The following SLC44A2 variants were observed in gnomAD, a reference collection of about 807,000 sequenced individuals.
The protein encoded by SLC44A2 is choline transporter-like protein 2.
SLC44A2 carries 57 observed loss-of-function variants against 90.8 expected under a neutral mutation model. That is an observed-to-expected ratio of 0.63 (90% CI 0.51 to 0.78). The LOEUF (loss-of-function observed/expected upper bound fraction) is 0.78. SLC44A2 is among the 30% of genes least tolerant of loss of function. The pLI, the probability that SLC44A2 is intolerant of heterozygous loss-of-function variation, is 0.00. For synonymous variants in SLC44A2, 355 were observed against 360.7 expected (o/e 0.98, Z 0.18); for missense variants, 794 against 919.7 (o/e 0.86, Z 1.77).
At chr19:10,618,743 T>C (rs1193652969) in intron 1 of SLC44A2, among the ~76,000 whole-genome samples, 1 of 151,864 alleles carries the variant, frequency 6.6e-6, no homozygotes, top group Admixed American at 6.6e-5. Flanking sequence ...CCTAATTTTT[T>C]TGTGTATTTT....
chr19:10,627,073 C>T (rs1361084541), intron 2 of SLC44A2, among the ~76,000 whole-genome samples: 1 of 152,012 alleles, frequency 6.6e-6, no homozygotes, highest in Non-Finnish European at 1.5e-5. Context: ...ATAATCCCAG[C>T]ACTTTGGGAG....
Position 10,605,515 on chromosome 19 carries a change from G to GAAAT in SLC44A2, c.31+2973_31+2976dup, listed in dbSNP as rs377003052. Reference sequence around the variant, plus strand: ...GGCAAAAAGAGTGAAATTCAGTCTCGAAATAAATAAATAAATAAATAATAA... The same window carrying GAAAT: ...GGCAAAAAGAGTGAAATTCAGTCTCGAAATAAATAAATAAATAAATAAATAATAA... On this transcript the variant is annotated intron_variant, in intron 1 of 21. Coordinates refer to the SLC44A2 transcript ENST00000407327. Among the ~76,000 whole-genome samples, 141 of 150,722 alleles carry GAAAT rather than the reference G, an allele frequency of 9.4e-4. 1 individual carries two copies. Among genetic ancestry groups the GAAAT allele is most frequent in the Middle Eastern group, 6.8e-3 (2 of 292 alleles).
Position 10,644,172 on chromosome 19 carries a change from A to G in SLC44A2, c.*787A>G, listed in dbSNP as rs1468484076. On this transcript the variant is annotated 3_prime_UTR_variant, in exon 22 of 22. Transcript: ENST00000335757. The stretch of plus-strand genomic sequence containing the variant: ...AATTTCCCGACTTCCTCTGCCAGTT[A>G]TTGACACAGCTCTCTTTGTAAGAGA... The G allele has an allele frequency of 6.6e-6, 1 of 152,618 alleles. No individual in the cohort carries two copies. Among genetic ancestry groups the G allele is most frequent in the Non-Finnish European group, 1.5e-5 (1 of 68,108 alleles). The allele number at this position is 152,618 out of a possible 1,614,324, so 9.5% of individuals were successfully genotyped here. A position where few individuals can be genotyped will look rare whatever the true frequency, so the allele number is the denominator to read the frequency against.
At chr19:10,618,700 C>T (rs949392632) in intron 1 of SLC44A2, among the ~76,000 whole-genome samples, 5 of 151,822 alleles carry the variant, frequency 3.3e-5, no homozygotes, top group Admixed American at 2.6e-4. Context: ...AGAATGGTCT[C>T]GATCTCCTGA....
chr19:10,627,371 A>G (rs1371458264), intron 2 of SLC44A2, among the ~76,000 whole-genome samples: 1 of 150,942 alleles, frequency 6.6e-6, no homozygotes, highest in Non-Finnish European at 1.5e-5. Context: ...CCTTGTCTCT[A>G]CAGAATGTAT....
intron 20 of SLC44A2, among the ~76,000 whole-genome samples, chr19:10,641,837 C>T (rs1218311460): frequency 1.3e-5 from 2 of 150,426 alleles, no homozygotes; most frequent in East Asian, 1.9e-4. Context: ...CAGAGTGAGA[C>T]CGTGAGACCC....
upstream of SLC44A2, among the ~76,000 whole-genome samples, chr19:10,624,382 C>A (rs1381104787): frequency 6.6e-6 from 1 of 152,048 alleles, no homozygotes; most frequent in Non-Finnish European, 1.5e-5. Flanking sequence ...TGGCTCACTG[C>A]AACCTCCACC....
rs369626322 is a variant in SLC44A2, at chr19:10,627,867, A to G, written c.161-53A>G. The stretch of plus-strand genomic sequence containing the variant: ...CAGCCATGGCCTCTGGAGTGGGAAC[A>G]GGGCTGGATCTGAGGAGTGGCAGTG... On this transcript the variant is annotated intron_variant, in intron 3 of 21. Transcript: ENST00000335757. 236 of 1,611,954 alleles carry G rather than the reference A, an allele frequency of 1.5e-4. 1 individual carries two copies. The highest frequency in any genetic ancestry group is 9.9e-4 in the Middle Eastern group (6 of 6,052).
intron 20 of SLC44A2, chr19:10,641,210 T>C (rs144166933): frequency 0.038 from 13,157 of 346,974 alleles, 412 homozygotes; most frequent in South Asian, 0.096. Context: ...CTGGGCAACA[T>C]GGCAAAACCC....
chr19:10,608,760 C>T (rs1918191918), intron 1 of SLC44A2, among the ~76,000 whole-genome samples: 1 of 151,824 alleles, frequency 6.6e-6, no homozygotes, highest in South Asian at 2.1e-4. Context: ...AGCAATTCTC[C>T]TGCCTCAGCC....
At chr19:10,623,057 T>C (rs1266866348), upstream of SLC44A2, among the ~76,000 whole-genome samples, 28 of 151,138 alleles carry the variant, frequency 1.9e-4, no homozygotes, top group Non-Finnish European at 4.4e-5. Flanking sequence ...GGGTGGGGCC[T>C]GAATAAATTG....
chr19:10,608,389 A>G (rs1019227868), intron 1 of SLC44A2, among the ~76,000 whole-genome samples: 2 of 152,062 alleles, frequency 1.3e-5, no homozygotes, highest in African/African-American at 4.8e-5. Flanking sequence ...GGTAGCATAG[A>G]ATAGTACATT....
chr19:10,623,195 GCTT>G (rs1435212962), upstream of SLC44A2, among the ~76,000 whole-genome samples: 2 of 152,064 alleles, frequency 1.3e-5, no homozygotes, highest in Non-Finnish European at 2.9e-5. Context: ...GAACCACAGG[GCTT>G]CTTTAGGAGT....
chr19:10,643,626 AT>A lies in SLC44A2; in HGVS notation c.*243del. ...GACTGCGAGAAACAAGTAAAAACCCATTGGGGCCTCTTGATGTCTGGGATGG... is the reference window on the plus strand; with the variant it reads ...GACTGCGAGAAACAAGTAAAAACCCATGGGGCCTCTTGATGTCTGGGATGG... On this transcript the variant is annotated 3_prime_UTR_variant, in exon 22 of 22. Transcript: ENST00000335757. 2.6e-6 allele frequency: 1 copy of A among 378,148 alleles called. No individual in the cohort carries two copies. Among genetic ancestry groups the A allele is most frequent in the South Asian group, 3.4e-5 (1 of 29,328 alleles). 23.4% of individuals were successfully genotyped at this position (378,148 alleles called of 1,614,324 possible).
chr19:10,606,573 G>A (rs886800864), intron 1 of SLC44A2, among the ~76,000 whole-genome samples: 1 of 152,158 alleles, frequency 6.6e-6, no homozygotes, highest in African/African-American at 2.4e-5. Flanking sequence ...CACTTTGGGA[G>A]GCCGAGGCAA....
At chr19:10,612,038 T>C (rs986772181) in intron 1 of SLC44A2, among the ~76,000 whole-genome samples, 7 of 152,050 alleles carry the variant, frequency 4.6e-5, no homozygotes, top group African/African-American at 1.4e-4. Context: ...GACCTATTAA[T>C]TTCTGTGTGT....
At position 10,630,383 on chromosome 19, in the gene SLC44A2, G is replaced by A. The variant is rs138985624; in HGVS notation, c.246-674G>A. Among the ~76,000 whole-genome samples the A allele has an allele frequency of 2.7e-3, 405 of 151,962 alleles. 3 individuals carry two copies. The highest frequency in any genetic ancestry group is 8.6e-3 in the African/African-American group (358 of 41,458). On this transcript the variant is annotated intron_variant, in intron 4 of 21. Transcript: ENST00000335757. Reference sequence around the variant, plus strand: ...GAAAAAAAAACAAAAGAGGCCGGGCGCAGTGGCTCACGCATATAATCCCAA... The same window carrying A: ...GAAAAAAAAACAAAAGAGGCCGGGCACAGTGGCTCACGCATATAATCCCAA...
At chr19:10,635,821 C>T in intron 14 of SLC44A2, 1 of 285,004 alleles carries the variant, frequency 3.5e-6, no homozygotes, top group South Asian at 3.9e-5. Context: ...GCTCTGTCAC[C>T]AGGCTGGAGT....
In SLC44A2 at chr19:10,632,156, G is replaced by A. The variant is rs776349046; in HGVS notation, c.823G>A (p.Gly275Arg). ...CATGGTGATTCTGGTGCTGGGCTACGGTGCGTCACCCCCTCCCTGTGGCTT... is the reference window on the plus strand; with the variant it reads ...CATGGTGATTCTGGTGCTGGGCTACAGTGCGTCACCCCCTCCCTGTGGCTT... ...IIMVILVLGY[G>R]IFHCYMEYSR... The change falls in exon 10 of 22, where the codon GGA becomes AGA. Residue 275 changes from glycine (G) to arginine (R), a missense_variant and splice_region_variant. Gly to Arg is a moderately radical substitution (Grantham distance 125, BLOSUM62 -2). This residue lies in a region of SLC44A2 where 738 missense variants were observed against 841.1 expected (regional missense o/e 0.88). Coordinates refer to ENST00000335757, the MANE Select transcript of SLC44A2 (RefSeq NM_020428.4). 3 of 1,611,948 alleles carry A rather than the reference G, an allele frequency of 1.9e-6. No homozygotes were observed. The highest frequency in any genetic ancestry group is 1.7e-6 in the Non-Finnish European group (2 of 1,178,216).
Sources: allele counts gnomAD v4.1 joint callset (sites outside exome capture counted in the v4.1 genomes callset), GRCh38; gene constraint gnomAD v4.1.1; regional missense constraint gnomAD v4.1.1; transcripts MANE v1.5; gene names NCBI Gene and HGNC (gene_info 2026-07-23, HGNC 2026-07-21).